MSANTD7: variants seen among roughly 807,000 people sequenced by gnomAD.
MSANTD7 encodes Myb/SANT DNA binding domain containing 7.
chr10:14,844,496 GCACAA>G, the MSANTD7 span: 102 of 754,552 alleles, frequency 1.4e-4, no homozygotes, highest in African/African-American at 3.1e-3. Context: ...ACGACTATAA[GCACAA>G]CCTGTATTTG....
chr10:14,842,373 T>G, the MSANTD7 span: 1 of 1,536,168 alleles, frequency 6.5e-7, no homozygotes, highest in Non-Finnish European at 8.7e-7. The surrounding 1 kb of genome is among the most constrained non-coding windows in gnomAD (Gnocchi z 5.2). Flanking sequence ...GCAGAGTATA[T>G]TCAGCGCCTC....
chr10:14,842,332 G>A, the MSANTD7 span: 1 of 1,536,080 alleles, frequency 6.5e-7, no homozygotes, highest in African/African-American at 1.4e-5. The surrounding 1 kb of genome is among the most constrained non-coding windows in gnomAD (Gnocchi z 5.2). Context: ...CCAGACAGGA[G>A]ACACGAACTC....
chr10:14,840,741 TTGC>T, the MSANTD7 span, among the ~76,000 whole-genome samples: 2 of 152,230 alleles, frequency 1.3e-5, no homozygotes, highest in African/African-American at 4.8e-5. Flanking sequence ...AAATTATAGA[TTGC>T]TATAATAATT....
the MSANTD7 span, chr10:14,840,186 T>C: frequency 9.2e-7 from 1 of 1,086,806 alleles, no homozygotes; most frequent in Non-Finnish European, 1.3e-6. Flanking sequence ...CTTTTAAATA[T>C]GGTAATAGGA....
the MSANTD7 span, among the ~76,000 whole-genome samples, chr10:14,843,177 G>A: frequency 1.3e-5 from 2 of 152,136 alleles, no homozygotes; most frequent in African/African-American, 4.8e-5. Flanking sequence ...GGAAGGCAAG[G>A]GAGAAGTTTT....
the MSANTD7 span, among the ~76,000 whole-genome samples, chr10:14,841,561 A>G: frequency 2.0e-5 from 3 of 152,258 alleles, no homozygotes; most frequent in Non-Finnish European, 4.4e-5. Context: ...GTCCAGATAC[A>G]GAACATTTCC....
the MSANTD7 span, among the ~76,000 whole-genome samples, chr10:14,840,644 G>A: frequency 4.6e-5 from 7 of 152,238 alleles, no homozygotes; most frequent in East Asian, 5.8e-4. Flanking sequence ...CTAAATTAAC[G>A]TCTTATGTAA....
At chr10:14,846,715 T>A in the MSANTD7 span, 1 of 983,458 alleles carries the variant, frequency 1.0e-6, no homozygotes, top group Non-Finnish European at 1.2e-6. Flanking sequence ...ATGAGCACTT[T>A]CAGACATGTA....
the MSANTD7 span, chr10:14,846,825 G>A: frequency 1.0e-6 from 1 of 985,358 alleles, no homozygotes; most frequent in Non-Finnish European, 1.2e-6. Flanking sequence ...TATTCAAGTA[G>A]GAGGAGGAAG....
At chr10:14,839,698 G>C in the MSANTD7 span, among the ~76,000 whole-genome samples, 1 of 152,196 alleles carries the variant, frequency 6.6e-6, no homozygotes. Flanking sequence ...TGACTTTGCA[G>C]AGCAGACTGA....
At chr10:14,844,303 T>C in the MSANTD7 span, 3 of 1,078,452 alleles carry the variant, frequency 2.8e-6, no homozygotes, top group Admixed American at 9.9e-5. Context: ...TTAAAAGCAC[T>C]GTACACATTT....
the MSANTD7 span, among the ~76,000 whole-genome samples, chr10:14,841,696 TAGC>T: frequency 6.6e-6 from 1 of 152,232 alleles, no homozygotes; most frequent in African/African-American, 2.4e-5. Flanking sequence ...AAATTTGTAT[TAGC>T]AGAGCAACTT....
the MSANTD7 span, chr10:14,844,296 A>G: frequency 9.1e-7 from 1 of 1,095,696 alleles, no homozygotes; most frequent in Non-Finnish European, 1.1e-6. Context: ...TAAAAGTTTA[A>G]AAGCACTGTA....
chr10:14,839,505 C>T, the MSANTD7 span, among the ~76,000 whole-genome samples: 1 of 149,986 alleles, frequency 6.7e-6, no homozygotes, highest in Admixed American at 6.7e-5. Flanking sequence ...GCGGAAGTTG[C>T]AGTGAGCCGA....
chr10:14,840,204 C>A, the MSANTD7 span: 3 of 945,030 alleles, frequency 3.2e-6, no homozygotes, highest in South Asian at 2.7e-5. Flanking sequence ...GGAACATGTT[C>A]ATAAATTCTA....
At chr10:14,845,920 T>C in the MSANTD7 span, 1 of 666,566 alleles carries the variant, frequency 1.5e-6, no homozygotes, top group Non-Finnish European at 1.9e-6. Context: ...ATTTTTTTTT[T>C]CCTAGTACCT....
At chr10:14,840,071 T>TC in the MSANTD7 span, 2 of 1,278,934 alleles carry the variant, frequency 1.6e-6, no homozygotes, top group Non-Finnish European at 2.1e-6. Context: ...ATTTTTTTTT[T>TC]CAGATTGTTG....
At chr10:14,843,741 G>A in the MSANTD7 span, 1 of 1,536,820 alleles carries the variant, frequency 6.5e-7, no homozygotes, top group Non-Finnish European at 8.7e-7. Context: ...TTGGTGAGGA[G>A]GCCAGTGCTC....
chr10:14,844,810 A>AT, the MSANTD7 span: 79 of 985,340 alleles, frequency 8.0e-5, no homozygotes, highest in Non-Finnish European at 9.4e-5. Context: ...CCATTGGAAC[A>AT]TTGTGGAAAC....
Sources: gnomAD v4.1 joint callset for allele counts (sites outside exome capture counted in the v4.1 genomes callset) on GRCh38, gnomAD v4.1.1 for gene constraint, Gnocchi (gnomAD v3.1) non-coding constraint, MANE v1.5 for transcripts, NCBI Gene and HGNC (gene_info 2026-07-23, HGNC 2026-07-21) for gene names.